Variants in NCOA1 observed in about 807,000 individuals in gnomAD.
NCOA1 encodes Hin-2 protein.
Under a neutral mutation model 150.9 loss-of-function variants are expected in NCOA1, and 35 were observed. That is an observed-to-expected ratio of 0.23 (90% CI 0.18 to 0.31). The LOEUF (loss-of-function observed/expected upper bound fraction) is 0.31, where lower values mean the gene tolerates loss of function less well. Ranked by LOEUF, NCOA1 falls within the 10% of genes least tolerant of loss-of-function variation. The probability of loss-of-function intolerance (pLI) is 1.00; values close to 1 mark genes in which losing one functional copy is unlikely to be tolerated. For missense variants in NCOA1, 1,491 were observed against 1,749.3 expected (o/e 0.85, Z 2.63); for synonymous variants, 590 against 630.0 (o/e 0.94, Z 0.95).
chr2:24,706,679 A>G lies in NCOA1; in HGVS notation c.1209A>G (p.Ser403=). 6.2e-7 allele frequency: 1 copy of G among 1,614,120 alleles called. No homozygotes were observed. The highest frequency in any genetic ancestry group is 8.5e-7 in the Non-Finnish European group (1 of 1,179,998). ...CTCCAGCTCATGGTGTGGCTCGTTC[A>G]TCCACATTGCCACCATCCAACAGCA... ...SISPAHGVAR[S]STLPPSNSNM... Residue 403 remains serine, a synonymous_variant, in exon 13 of 23, where the codon TCA becomes TCG. Transcript: ENST00000348332.
chr2:24,767,937 G>T, intron 22 of NCOA1: 1 of 707,706 alleles, frequency 1.4e-6, no homozygotes, highest in Non-Finnish European at 2.3e-6. Context: ...TCCCAATCTT[G>T]GCAACATTAG....
At chr2:24,605,518 C>T (rs990253117) in intron 3 of NCOA1, among the ~76,000 whole-genome samples, 5 of 152,062 alleles carry the variant, frequency 3.3e-5, no homozygotes, top group African/African-American at 1.2e-4. Flanking sequence ...TTTTTTTCTA[C>T]TATGAACAAT....
At chr2:24,601,450 A>G (rs1668111615) in intron 3 of NCOA1, among the ~76,000 whole-genome samples, 1 of 152,108 alleles carries the variant, frequency 6.6e-6, no homozygotes, top group South Asian at 2.1e-4. Context: ...CCTGGCTGCA[A>G]GCTGTCCTTT....
intron 3 of NCOA1, among the ~76,000 whole-genome samples, chr2:24,603,431 A>G (rs529367898): frequency 1.3e-5 from 2 of 152,296 alleles, no homozygotes; most frequent in Admixed American, 1.3e-4. Flanking sequence ...ACGTGATGCT[A>G]TTTGATAACA....
intron 1 of NCOA1, among the ~76,000 whole-genome samples, chr2:24,514,461 A>G (rs1368298722): frequency 2.6e-5 from 4 of 152,058 alleles, no homozygotes; most frequent in Non-Finnish European, 5.9e-5. Flanking sequence ...CTTAAAATAA[A>G]TATTATTAAG....
intron 17 of NCOA1, among the ~76,000 whole-genome samples, chr2:24,733,910 C>A (rs1663151065): frequency 6.6e-6 from 1 of 152,030 alleles, no homozygotes; most frequent in East Asian, 1.9e-4. Flanking sequence ...TCAGGCCAGG[C>A]ACGGTGGCTC....
intron 5 of NCOA1, among the ~76,000 whole-genome samples, chr2:24,665,392 T>A (rs760078482): frequency 1.3e-5 from 2 of 152,222 alleles, no homozygotes; most frequent in Non-Finnish European, 2.9e-5. Context: ...TTTTTCTATT[T>A]CAAGAAGTTA....
chr2:24,559,614 A>G (rs1407511689), intron 1 of NCOA1, among the ~76,000 whole-genome samples: 1 of 152,192 alleles, frequency 6.6e-6, no homozygotes, highest in Non-Finnish European at 1.5e-5. Flanking sequence ...TCTCAGCCTC[A>G]GCATTCCTGC....
chr2:24,636,468 A>G (rs145268136), intron 3 of NCOA1, among the ~76,000 whole-genome samples: 2,988 of 152,312 alleles, frequency 0.02, 254 homozygotes, highest in Admixed American at 0.16. Flanking sequence ...TCAACTTTGT[A>G]TAGTATATTC....
At chr2:24,680,001 T>C (rs1482486971) in intron 7 of NCOA1, among the ~76,000 whole-genome samples, 1 of 152,248 alleles carries the variant, frequency 6.6e-6, no homozygotes, top group Non-Finnish European at 1.5e-5. Flanking sequence ...GATGTATTAC[T>C]AAATTTCATT....
chr2:24,633,019 A>T (rs1180622649), intron 3 of NCOA1, among the ~76,000 whole-genome samples: 4 of 152,230 alleles, frequency 2.6e-5, no homozygotes, highest in Non-Finnish European at 5.9e-5. Context: ...AACCAAAATA[A>T]GCAAATAGAG....
intron 3 of NCOA1, among the ~76,000 whole-genome samples, chr2:24,585,964 C>T (rs1667386729): frequency 1.3e-5 from 2 of 151,996 alleles, no homozygotes; most frequent in African/African-American, 4.8e-5. Context: ...TTTTTAATTA[C>T]GATTGCATTG....
chr2:24,610,483 G>T (rs1668574199), intron 3 of NCOA1, among the ~76,000 whole-genome samples: 1 of 151,856 alleles, frequency 6.6e-6, no homozygotes, highest in South Asian at 2.1e-4. Context: ...CTGTGTAACA[G>T]TTCACTGACT....
At chr2:24,629,292 T>C (rs1455315117) in intron 3 of NCOA1, among the ~76,000 whole-genome samples, 1 of 152,170 alleles carries the variant, frequency 6.6e-6, no homozygotes, top group African/African-American at 2.4e-5. Context: ...TCAGTGCTTA[T>C]CTGTTTAACA....
chr2:24,574,656 T>G lies in NCOA1; in HGVS notation c.-259-9820T>G, dbSNP rs905130724. ...TTTGGACCTGATAATCTTTTTCTTC[T>G]GCCTAAAAATCATTTCTTTAAGTGC... On this transcript the variant is annotated intron_variant, in intron 2 of 22. Coordinates refer to ENST00000348332, the MANE Select transcript of NCOA1 (RefSeq NM_003743.5). Among the ~76,000 whole-genome samples, 9 of 151,976 alleles carry G rather than the reference T, an allele frequency of 5.9e-5. No homozygotes were observed. In the South Asian group the frequency reaches 1.7e-3, roughly 28 times the overall value.
chr2:24,631,652 G>A (rs1669715959), intron 3 of NCOA1, among the ~76,000 whole-genome samples: 1 of 152,116 alleles, frequency 6.6e-6, no homozygotes. Context: ...AATTTCTTTT[G>A]ACAGTCATAT....
At chr2:24,538,998 C>A (rs1448752401) in intron 1 of NCOA1, among the ~76,000 whole-genome samples, 4 of 152,164 alleles carry the variant, frequency 2.6e-5, no homozygotes, top group African/African-American at 9.7e-5. Flanking sequence ...AATTCAAAGA[C>A]CTGTCCCCCT....
At chr2:24,533,562 A>G (rs1019578233) in intron 1 of NCOA1, among the ~76,000 whole-genome samples, 26 of 152,186 alleles carry the variant, frequency 1.7e-4, no homozygotes, top group Non-Finnish European at 3.1e-4. Flanking sequence ...TTGCCCATTC[A>G]GTATGATATT....
intron 20 of NCOA1, 147 bp from the exon 21 acceptor site, chr2:24,757,824 GAA>G: frequency 1.5e-6 from 1 of 673,554 alleles, no homozygotes; most frequent in Non-Finnish European, 2.4e-6. Context: ...GAATGTATCT[GAA>G]TTATATTAAT....
Sources: allele counts gnomAD v4.1 joint callset (sites outside exome capture counted in the v4.1 genomes callset), GRCh38; gene constraint gnomAD v4.1.1; transcripts MANE v1.5; gene names NCBI Gene and HGNC (gene_info 2026-07-23, HGNC 2026-07-21).